Variants in RIPOR1 observed in about 807,000 individuals in gnomAD.
The protein encoded by RIPOR1 is RHO family interacting cell polarization regulator 1, also known as rho family-interacting cell polarization regulator 1.
RIPOR1 carries 58 observed loss-of-function variants against 116.5 expected under a neutral mutation model. The observed-to-expected ratio is 0.50, with a 90% CI of 0.40 to 0.62. The LOEUF (loss-of-function observed/expected upper bound fraction) is 0.62. RIPOR1 is among the 20% of genes least tolerant of loss of function. RIPOR1 has a pLI of 0.00. For synonymous variants in RIPOR1, 605 were observed against 650.0 expected (o/e 0.93, Z 1.05); for missense variants, 1,372 against 1,586.2 (o/e 0.86, Z 2.29).
Position 67,545,268 on chromosome 16 carries a change from G to A in RIPOR1, c.3032-108G>A. 6.6e-7 allele frequency: 1 copy of A among 1,520,262 alleles called. No individual in the cohort carries two copies. Among genetic ancestry groups the A allele is most frequent in the Non-Finnish European group, 8.9e-7 (1 of 1,121,416 alleles). 94.2% of individuals were successfully genotyped at this position (1,520,262 alleles called of 1,614,324 possible). On this transcript the variant is annotated intron_variant, in intron 17 of 21. Coordinates refer to ENST00000042381, the MANE Select transcript of RIPOR1 (RefSeq NM_024519.4). This position sits in a 1 kb window ranked among gnomAD's most constrained non-coding sequence, Gnocchi z 4.8. ...TTAGAGCAGAAGGACCCAGATGGGT[G>A]GGGTTTGAACAGGGGGCCCCTGGAC... is the stretch of plus-strand genomic sequence containing the variant.
Position 67,544,611 on chromosome 16 carries a change from G to A in RIPOR1, c.2734-84G>A. The A allele has an allele frequency of 6.3e-7, 1 of 1,588,524 alleles. No homozygotes were observed. The highest frequency in any genetic ancestry group is 2.2e-5 in the East Asian group (1 of 44,554). On this transcript the variant is annotated intron_variant, in intron 15 of 21. Transcript: ENST00000042381. This position sits in a 1 kb window ranked among gnomAD's most constrained non-coding sequence, Gnocchi z 5.1. ...AACTCTGCAACCCCAACCTCCCCCA[G>A]TGCATGCTGGGACTTGTCCCTGAGC...
In RIPOR1 at chr16:67,537,956, C is replaced by T. The variant is rs573275975; in HGVS notation, c.-23-468C>T. On this transcript the variant is annotated intron_variant, in intron 1 of 21. Coordinates refer to ENST00000042381, the MANE Select transcript of RIPOR1 (RefSeq NM_024519.4). The surrounding 1 kb of genome is among the most constrained non-coding windows in gnomAD (Gnocchi z 4.6). ...CCTGTCGGGCAGCTCCGCAGGGCTC[C>T]GAGCGTGGCCCCGCCCCGCCCCGTG... 1.2e-4 allele frequency: 27 copies of T among 230,962 alleles called. No individual in the cohort carries two copies. The highest frequency in any genetic ancestry group is 5.2e-4 in the African/African-American group (23 of 44,124). The allele number at this position is 230,962 out of a possible 1,614,324, so 14.3% of individuals were successfully genotyped here.
In RIPOR1 at chr16:67,530,163, G is replaced by A. The variant is rs1431149465; in HGVS notation, c.-24+1249G>A. ...GGACTCTGGGCTGGGTCCCGCTTGA[G>A]AGAAGCGGGCGGGGAGGGCGCGGGT... On this transcript the variant is annotated intron_variant, in intron 1 of 21. Coordinates refer to ENST00000042381, the MANE Select transcript of RIPOR1 (RefSeq NM_024519.4). This position sits in a 1 kb window ranked among gnomAD's most constrained non-coding sequence, Gnocchi z 4.5. 5 of 404,062 alleles carry A rather than the reference G, an allele frequency of 1.2e-5. No homozygotes were observed. In the East Asian group the frequency reaches 1.8e-4, roughly 14 times the overall value. 25.0% of individuals were successfully genotyped at this position (404,062 alleles called of 1,614,324 possible).
intron 1 of RIPOR1, among the ~76,000 whole-genome samples, chr16:67,520,043 C>T (rs1318430994): frequency 2.2e-4 from 20 of 91,222 alleles, no homozygotes; most frequent in East Asian, 1.5e-3. Flanking sequence ...GCCTGGGTCA[C>T]AAGAGCAAAA....
chr16:67,539,090 T>TG (rs1343240998), intron 4 of RIPOR1, 22 bp downstream of exon 4: 3 of 1,603,126 alleles, frequency 1.9e-6, no homozygotes, highest in Non-Finnish European at 1.7e-6. Flanking sequence ...GAGGTACGGA[T>TG]GCCCTTTGCC....
intron 1 of RIPOR1, among the ~76,000 whole-genome samples, chr16:67,522,131 G>A (rs2050499758): frequency 1.4e-5 from 2 of 147,136 alleles, no homozygotes; most frequent in South Asian, 2.2e-4. Flanking sequence ...GGATTCAAGC[G>A]ATTCTTCTGC....
chr16:67,534,835 C>CTTTTTTTTTTT (rs553858194), intron 1 of RIPOR1, among the ~76,000 whole-genome samples: 13 of 79,018 alleles, frequency 1.6e-4, no homozygotes, highest in East Asian at 3.7e-4. Flanking sequence ...TTCTTTTTTT[C>CTTTTTTTTTTT]TTTTTTTTTT....
rs1432706767 is a variant in RIPOR1, at chr16:67,546,127, C to T, written c.3472-14C>T. 1.2e-6 allele frequency: 2 copies of T among 1,610,650 alleles called. No individual in the cohort carries two copies. The highest frequency in any genetic ancestry group is 4.5e-5 in the East Asian group (2 of 44,668). On this transcript the variant is annotated splice_polypyrimidine_tract_variant and intron_variant, in intron 20 of 21. Coordinates refer to ENST00000042381, the MANE Select transcript of RIPOR1 (RefSeq NM_024519.4). ...GCTCCCCTGAGCCCACCTCAATGCT[C>T]CCTCCCCTGACAGGCTCCCGAGGGC...
chr16:67,544,874 T>G lies in RIPOR1; in HGVS notation c.2869+44T>G, dbSNP rs1384174314. 2.5e-6 allele frequency: 4 copies of G among 1,595,528 alleles called. No homozygotes were observed. The highest frequency in any genetic ancestry group is 1.7e-5 in the Admixed American group (1 of 59,528). Reference sequence around the variant, plus strand: ...CGGGCTCTGCCATCTGCCTTGAAGCTCCTACCTCAGCCTACTGCCATCTGC... The same window carrying G: ...CGGGCTCTGCCATCTGCCTTGAAGCGCCTACCTCAGCCTACTGCCATCTGC... On this transcript the variant is annotated intron_variant, in intron 16 of 21. Transcript: ENST00000042381. This position sits in a 1 kb window ranked among gnomAD's most constrained non-coding sequence, Gnocchi z 5.1.
At chr16:67,538,029 G>A (rs577601084) in intron 1 of RIPOR1, 8 of 204,992 alleles carry the variant, frequency 3.9e-5, no homozygotes, top group African/African-American at 1.2e-4. Context: ...CGGGTGCCCT[G>A]GGGGGGGAAA....
chr16:67,525,837 G>A (rs1175307381), upstream of RIPOR1, among the ~76,000 whole-genome samples: 1 of 152,156 alleles, frequency 6.6e-6, no homozygotes, highest in Non-Finnish European at 1.5e-5. Flanking sequence ...GAGCCAAGTT[G>A]GAGCTCAGAG....
chr16:67,520,809 GA>G (rs59120348), intron 1 of RIPOR1, among the ~76,000 whole-genome samples: 18,240 of 144,062 alleles, frequency 0.13, 1,544 homozygotes, highest in African/African-American at 0.25. Flanking sequence ...CAAAAAAAAA[GA>G]AAAAAAAAAA....
Position 67,537,690 on chromosome 16 carries a change from C to T in RIPOR1, c.-23-734C>T. 1 of 880,228 alleles carries T rather than the reference C, an allele frequency of 1.1e-6. No individual in the cohort carries two copies. The highest frequency in any genetic ancestry group is 1.5e-6 in the Non-Finnish European group (1 of 653,208). 54.5% of individuals were successfully genotyped at this position (880,228 alleles called of 1,614,324 possible). A position where few individuals can be genotyped will look rare whatever the true frequency, so the allele number is the denominator to read the frequency against. ...GCCAGGAGTGTGTGTTTCGCCGAAG[C>T]GGGGTGGGGGTCTGCCGAGGAGCTC... On this transcript the variant is annotated intron_variant, in intron 1 of 21. Coordinates refer to ENST00000042381, the MANE Select transcript of RIPOR1 (RefSeq NM_024519.4). The surrounding 1 kb of genome is among the most constrained non-coding windows in gnomAD (Gnocchi z 4.6).
In RIPOR1 at chr16:67,543,569, G is replaced by A; in HGVS notation, c.2600+100G>A. ...ACAGGTGAATTGGGAGAAAGTCAAA[G>A]GACAGGACAGGTGAGGCAGGGCCAG... On this transcript the variant is annotated intron_variant, in intron 14 of 21. Coordinates refer to ENST00000042381, the MANE Select transcript of RIPOR1 (RefSeq NM_024519.4). This position sits in a 1 kb window ranked among gnomAD's most constrained non-coding sequence, Gnocchi z 4.7. 2 of 1,503,866 alleles carry A rather than the reference G, an allele frequency of 1.3e-6. No homozygotes were observed. The highest frequency in any genetic ancestry group is 1.8e-6 in the Non-Finnish European group (2 of 1,122,340). The allele number at this position is 1,503,866 out of a possible 1,614,324, so 93.2% of individuals were successfully genotyped here.
Position 67,544,630 on chromosome 16 carries a change from C to G in RIPOR1, c.2734-65C>G. The G allele has an allele frequency of 6.2e-7, 1 of 1,602,214 alleles. No individual in the cohort carries two copies. Among genetic ancestry groups the G allele is most frequent in the Non-Finnish European group, 8.5e-7 (1 of 1,177,668 alleles). Reference sequence around the variant, plus strand: ...CCCCCAGTGCATGCTGGGACTTGTCCCTGAGCACGATCCTCCCGAGCCCTA... The same window carrying G: ...CCCCCAGTGCATGCTGGGACTTGTCGCTGAGCACGATCCTCCCGAGCCCTA... On this transcript the variant is annotated intron_variant, in intron 15 of 21. Coordinates refer to ENST00000042381, the MANE Select transcript of RIPOR1 (RefSeq NM_024519.4). The surrounding 1 kb of genome is among the most constrained non-coding windows in gnomAD (Gnocchi z 5.1).
chr16:67,545,285 C>T lies in RIPOR1; in HGVS notation c.3032-91C>T. 6.5e-7 allele frequency: 1 copy of T among 1,539,064 alleles called. No homozygotes were observed. On this transcript the variant is annotated intron_variant, in intron 17 of 21. Coordinates refer to ENST00000042381, the MANE Select transcript of RIPOR1 (RefSeq NM_024519.4). This position sits in a 1 kb window ranked among gnomAD's most constrained non-coding sequence, Gnocchi z 4.8. ...AGATGGGTGGGGTTTGAACAGGGGG[C>T]CCCTGGACCTGAGCCTGGGATAGGA...
At chr16:67,533,337 A>G (rs1214574909) in intron 1 of RIPOR1, among the ~76,000 whole-genome samples, 1 of 151,930 alleles carries the variant, frequency 6.6e-6, no homozygotes, top group Non-Finnish European at 1.5e-5. Flanking sequence ...GGTGGAGGAG[A>G]GATAAGGAAG....
chr16:67,542,723 G>C lies in RIPOR1; in HGVS notation c.1937G>C (p.Ser646Thr). 1.9e-6 allele frequency: 3 copies of C among 1,608,418 alleles called. No individual in the cohort carries two copies. The highest frequency in any genetic ancestry group is 2.5e-6 in the Non-Finnish European group (3 of 1,178,604). ...SPPTTTSPTP[S>T]GMGLVQTATS... ...CCCACCACTACAAGTCCTACCCCCAGTGGTATGGGCCTAGTCCAGACTGCC... is the reference window on the plus strand; with the variant it reads ...CCCACCACTACAAGTCCTACCCCCACTGGTATGGGCCTAGTCCAGACTGCC... The change falls in exon 13 of 22, where the codon AGT becomes ACT. Residue 646 changes from serine to threonine, a missense_variant. Physicochemically the swap from Ser to Thr is moderately conservative, Grantham distance 58 (BLOSUM62 1). This residue lies in a region of RIPOR1 where 1,005 missense variants were observed against 1,144.7 expected (regional missense o/e 0.88). Transcript: ENST00000042381. The surrounding 1 kb of genome is among the most constrained non-coding windows in gnomAD (Gnocchi z 4.6).
Position 67,529,729 on chromosome 16 carries a change from C to A in RIPOR1, c.-24+815C>A. 4 of 1,530,452 alleles carry A rather than the reference C, an allele frequency of 2.6e-6. No individual in the cohort carries two copies. Among genetic ancestry groups the A allele is most frequent in the Non-Finnish European group, 3.5e-6 (4 of 1,144,578 alleles). The allele number at this position is 1,530,452 out of a possible 1,614,324, so 94.8% of individuals were successfully genotyped here. Reference sequence around the variant, plus strand: ...CCGCCCCAGCACCTACTGTGCGCAGCCTCGTGTAACAATACTTGTGCCCTG... The same window carrying A: ...CCGCCCCAGCACCTACTGTGCGCAGACTCGTGTAACAATACTTGTGCCCTG... On this transcript the variant is annotated intron_variant, in intron 1 of 21. Coordinates refer to ENST00000042381, the MANE Select transcript of RIPOR1 (RefSeq NM_024519.4). The surrounding 1 kb of genome is among the most constrained non-coding windows in gnomAD (Gnocchi z 4.1).
Sources: allele counts gnomAD v4.1 joint callset (sites outside exome capture counted in the v4.1 genomes callset), GRCh38; gene constraint gnomAD v4.1.1; regional missense constraint gnomAD v4.1.1; non-coding constraint Gnocchi (gnomAD v3.1); transcripts MANE v1.5; gene names NCBI Gene and HGNC (gene_info 2026-07-23, HGNC 2026-07-21).